Variants in GTF2I observed in about 807,000 individuals in gnomAD.
GTF2I encodes the protein general transcription factor II-I.
A neutral mutation model predicts 67.6 loss-of-function variants in GTF2I; 12 were observed. The ratio of observed to expected loss-of-function variants is 0.18; its 90% CI spans 0.11 to 0.29. The LOEUF is 0.29. Among genes scored for constraint, GTF2I ranks in the 10% least tolerant of loss-of-function variants. The pLI, the probability that GTF2I is intolerant of heterozygous loss-of-function variation, is 1.00. For synonymous variants in GTF2I, 149 were observed against 197.0 expected (o/e 0.76, Z 2.04); for missense variants, 271 against 580.1 (o/e 0.47, Z 5.47).
intron 3 of GTF2I, among the ~76,000 whole-genome samples, chr7:74,698,261 T>C (rs1789209085): frequency 6.6e-6 from 1 of 152,130 alleles, no homozygotes; most frequent in South Asian, 2.1e-4. Context: ...GGCCTAATTT[T>C]TGTATTTTTA....
intron 9 of GTF2I, 64 bp from the exon 10 acceptor site, chr7:74,714,793 A>G (rs1279956052): frequency 9.0e-6 from 10 of 1,106,374 alleles, no homozygotes; most frequent in Admixed American, 2.2e-5. Flanking sequence ...TTTGTTGACT[A>G]AAGTCACCCC....
At chr7:74,700,575 C>A (rs1048924300) in intron 5 of GTF2I, 31 bp from the exon 6 acceptor site, 1 of 1,611,412 alleles carries the variant, frequency 6.2e-7, no homozygotes. Context: ...CGTATTCATA[C>A]GAAGTTTTGT....
intron 9 of GTF2I, among the ~76,000 whole-genome samples, chr7:74,712,853 T>C (rs1208425343): frequency 6.6e-6 from 1 of 152,128 alleles, no homozygotes; most frequent in East Asian, 1.9e-4. Context: ...GTGATTATAA[T>C]ACAGTTCGTT....
At position 74,732,552 on chromosome 7, in the gene GTF2I, T is replaced by C. The variant is rs1554406979; in HGVS notation, c.1194T>C (p.Tyr398=). 1.9e-6 allele frequency: 3 copies of C among 1,605,724 alleles called. No homozygotes were observed. The highest frequency in any genetic ancestry group is 1.3e-5 in the African/African-American group (1 of 74,664). ...TCCAGTCTCATGTTGAAGATCTTTA[T>C]GTAGAAGGACTTCCTGAAGGAATTC... The part of the protein sequence containing the change: ...PLFQSHVEDL[Y]VEGLPEGIPF... The change falls in exon 15 of 35, where the codon TAT becomes TAC. Residue 398 remains tyrosine, a synonymous_variant. Transcript: ENST00000573035.
rs2131419178 is a variant in GTF2I, at chr7:74,715,085, A to G, written c.823+169A>G. ...CATATAAATGAACTTCACAAGCAAC[A>G]ATTTTTCAAAAATCAATTTTCCCTT... On this transcript the variant is annotated intron_variant, in intron 10 of 34. Transcript: ENST00000573035. 4 of 433,638 alleles carry G rather than the reference A, an allele frequency of 9.2e-6. No individual in the cohort carries two copies. The East Asian group carries it at 1.4e-4, about 15-fold the overall frequency. The allele number at this position is 433,638 out of a possible 1,614,324, so 26.9% of individuals were successfully genotyped here.
chr7:74,700,231 T>A lies in GTF2I; in HGVS notation c.374-16T>A. 1 of 1,611,756 alleles carries A rather than the reference T, an allele frequency of 6.2e-7. No individual in the cohort carries two copies. The highest frequency in any genetic ancestry group is 8.5e-7 in the Non-Finnish European group (1 of 1,178,372). ...TTACCATTGAATGATGTTCATCCGCTTTTCATCTGCCCCAGGGAAAGCTTT... is the reference window on the plus strand; with the variant it reads ...TTACCATTGAATGATGTTCATCCGCATTTCATCTGCCCCAGGGAAAGCTTT... On this transcript the variant is annotated splice_polypyrimidine_tract_variant and intron_variant, in intron 4 of 34. Coordinates refer to ENST00000573035, the MANE Select transcript of GTF2I (RefSeq NM_032999.4).
intron 1 of GTF2I, among the ~76,000 whole-genome samples, chr7:74,662,489 C>A (rs1344634800): frequency 6.4e-5 from 8 of 124,602 alleles, no homozygotes; most frequent in Non-Finnish European, 1.1e-4. Flanking sequence ...GGATTACAGG[C>A]GTGAGCCACT....
intron 1 of GTF2I, among the ~76,000 whole-genome samples, chr7:74,676,224 T>C (rs1340019395): frequency 1.3e-5 from 2 of 152,142 alleles, no homozygotes; most frequent in Non-Finnish European, 2.9e-5. Flanking sequence ...AATAAACTTA[T>C]CAAGATATGA....
chr7:74,721,643 AG>A (rs1554404642), intron 12 of GTF2I, among the ~76,000 whole-genome samples: 3 of 152,122 alleles, frequency 2.0e-5, no homozygotes. Context: ...AGGAAGGTCA[AG>A]TGAGAACTTA....
intron 1 of GTF2I, among the ~76,000 whole-genome samples, chr7:74,680,092 A>AT (rs1584110224): frequency 3.3e-4 from 36 of 110,180 alleles, no homozygotes; most frequent in South Asian, 5.4e-4. Context: ...AAAAAAAAAA[A>AT]AAAAAAAATA....
chr7:74,666,878 G>A (rs1301597489), intron 1 of GTF2I, among the ~76,000 whole-genome samples: 4 of 152,080 alleles, frequency 2.6e-5, no homozygotes, highest in African/African-American at 4.8e-5. Flanking sequence ...TACTCAGGAG[G>A]CTGAGGCAGG....
chr7:74,696,098 T>A (rs1788869041), intron 3 of GTF2I, among the ~76,000 whole-genome samples: 1 of 151,926 alleles, frequency 6.6e-6, no homozygotes, highest in Non-Finnish European at 1.5e-5. Flanking sequence ...TTCAAGCGAT[T>A]CTTCTGTCTC....
intron 11 of GTF2I, among the ~76,000 whole-genome samples, chr7:74,718,515 G>C (rs587656152): frequency 1.1e-4 from 17 of 152,210 alleles, no homozygotes; most frequent in Non-Finnish European, 2.4e-4. Flanking sequence ...TGAAAGGAGA[G>C]AAGAAATTCT....
At chr7:74,690,582 C>T (rs1028069482) in intron 2 of GTF2I, among the ~76,000 whole-genome samples, 4 of 152,184 alleles carry the variant, frequency 2.6e-5, no homozygotes, top group East Asian at 3.9e-4. Flanking sequence ...CATGGCTGTT[C>T]GAGCCACCTT....
chr7:74,749,894 CAAA>C (rs1159090377), intron 26 of GTF2I, among the ~76,000 whole-genome samples: 28 of 77,482 alleles, frequency 3.6e-4, no homozygotes, highest in African/African-American at 7.7e-4. Flanking sequence ...ATCTCAAAAA[CAAA>C]AAAAAAAAAA....
intron 1 of GTF2I, among the ~76,000 whole-genome samples, chr7:74,661,332 G>T (rs1212666315): frequency 6.6e-6 from 1 of 152,166 alleles, no homozygotes; most frequent in African/African-American, 2.4e-5. Flanking sequence ...ATTCACAATG[G>T]TGCAAAATGA....
intron 3 of GTF2I, among the ~76,000 whole-genome samples, chr7:74,698,145 C>T (rs1052288073): frequency 2.6e-5 from 4 of 152,158 alleles, no homozygotes; most frequent in African/African-American, 7.2e-5. Flanking sequence ...TTAGTAGAGA[C>T]GGAGTTTCAC....
chr7:74,726,094 A>G (rs587619959), intron 12 of GTF2I, among the ~76,000 whole-genome samples: 1 of 151,982 alleles, frequency 6.6e-6, no homozygotes, highest in South Asian at 2.1e-4. Flanking sequence ...ATGTCATTCT[A>G]CTCTAGCAGC....
chr7:74,715,050 C>CT, intron 10 of GTF2I, 134 bp downstream of exon 10: 2 of 492,054 alleles, frequency 4.1e-6, no homozygotes, highest in Non-Finnish European at 3.5e-6. Context: ...ATGTATTGGC[C>CT]TTTTTTTAAC....
Sources: allele counts gnomAD v4.1 joint callset (sites outside exome capture counted in the v4.1 genomes callset), GRCh38; gene constraint gnomAD v4.1.1; transcripts MANE v1.5; gene names NCBI Gene and HGNC (gene_info 2026-07-23, HGNC 2026-07-21).